The following NTNG1 variants were observed in gnomAD, a reference collection of about 807,000 sequenced individuals.
NTNG1 encodes netrin G1.
In NTNG1, 16 loss-of-function variants were observed where a neutral mutation model predicts 54.0. The observed-to-expected ratio is 0.30, with a 90% CI of 0.20 to 0.45. NTNG1 has a LOEUF of 0.45. NTNG1 is among the 20% of genes least tolerant of loss of function. The pLI is 1.00. For missense variants in NTNG1, 530 were observed against 678.7 expected (o/e 0.78, Z 2.43); for synonymous variants, 255 against 263.1 (o/e 0.97, Z 0.30).
At chr1:107,386,441 TGGGATTACAGGCGTGTGCC>T (rs1289579473) in intron 3 of NTNG1, among the ~76,000 whole-genome samples, 1 of 152,152 alleles carries the variant, frequency 6.6e-6, no homozygotes, top group Non-Finnish European at 1.5e-5. Flanking sequence ...CCCAAAGTGC[TGGGATTACAGGCGTGTGCC>T]ACCACTCCTG....
chr1:107,261,631 C>G (rs1663336308), intron 2 of NTNG1, among the ~76,000 whole-genome samples: 1 of 152,172 alleles, frequency 6.6e-6, no homozygotes, highest in Non-Finnish European at 1.5e-5. Flanking sequence ...ATCACGAGGC[C>G]AGGAGATCGA....
At chr1:107,397,945 T>C (rs1265876824) in intron 4 of NTNG1, among the ~76,000 whole-genome samples, 3 of 152,004 alleles carry the variant, frequency 2.0e-5, no homozygotes, top group East Asian at 1.9e-4. Flanking sequence ...TCACTTCATA[T>C]TGGCTTTTTC....
chr1:107,404,541 A>G (rs1673278154), intron 4 of NTNG1, among the ~76,000 whole-genome samples: 1 of 152,204 alleles, frequency 6.6e-6, no homozygotes, highest in South Asian at 2.1e-4. Flanking sequence ...TGTTTTCACA[A>G]TGATAGTAAG....
At chr1:107,282,058 T>C (rs1200354543) in intron 2 of NTNG1, among the ~76,000 whole-genome samples, 1 of 152,124 alleles carries the variant, frequency 6.6e-6, no homozygotes, top group African/African-American at 2.4e-5. Flanking sequence ...TGGAATAAGT[T>C]TGAGAACTAT....
intron 3 of NTNG1, among the ~76,000 whole-genome samples, chr1:107,371,529 A>G (rs891200212): frequency 1.3e-5 from 2 of 152,112 alleles, no homozygotes; most frequent in African/African-American, 4.8e-5. Context: ...TTTGAAAGAT[A>G]CAAACTACCA....
chr1:107,358,090 TA>T (rs1670048990), intron 3 of NTNG1, among the ~76,000 whole-genome samples: 1 of 152,190 alleles, frequency 6.6e-6, no homozygotes, highest in African/African-American at 2.4e-5. Context: ...ATTGTGACTC[TA>T]AACACTGTGA....
At chr1:107,338,751 T>C (rs1668735769) in intron 3 of NTNG1, among the ~76,000 whole-genome samples, 1 of 151,712 alleles carries the variant, frequency 6.6e-6, no homozygotes, top group African/African-American at 2.4e-5. Context: ...AAACAATTAT[T>C]TGAAGGCCCT....
rs537205921 is a variant in NTNG1 at position 107,324,262 on chromosome 1, C to G, written c.247-20C>G. 1 of 1,606,910 alleles carries G rather than the reference C, an allele frequency of 6.2e-7. No individual in the cohort carries two copies. Among genetic ancestry groups the G allele is most frequent in the East Asian group, 2.2e-5 (1 of 44,680 alleles). On this transcript the variant is annotated intron_variant, in intron 2 of 7. Coordinates refer to ENST00000370068, the MANE Select transcript of NTNG1 (RefSeq NM_001113226.3). The stretch of plus-strand genomic sequence containing the variant: ...GCAAACCAGTGTTTTGATGCACGCT[C>G]TTTTGTTCTTCTTCCATAGGGCAAT...
intron 2 of NTNG1, among the ~76,000 whole-genome samples, chr1:107,295,610 A>T (rs1025339849): frequency 6.6e-6 from 1 of 152,108 alleles, no homozygotes; most frequent in Non-Finnish European, 1.5e-5. Flanking sequence ...AATGAAGATG[A>T]TAGTATGAAT....
chr1:107,234,086 T>C (rs916551700), intron 2 of NTNG1, among the ~76,000 whole-genome samples: 1 of 152,190 alleles, frequency 6.6e-6, no homozygotes, highest in African/African-American at 2.4e-5. Flanking sequence ...GAATAACTTA[T>C]ACATCTAATA....
At position 107,271,305 on chromosome 1, in the gene NTNG1, C is replaced by T. The variant is rs138567726; in HGVS notation, c.247-52977C>T. Among the ~76,000 whole-genome samples, 582 of 152,150 alleles carry T rather than the reference C, an allele frequency of 3.8e-3. 3 individuals are homozygous for T. The highest frequency in any genetic ancestry group is 0.013 in the African/African-American group (529 of 41,508). On this transcript the variant is annotated intron_variant, in intron 2 of 7. Transcript: ENST00000370068. Reference sequence around the variant, plus strand: ...TGCTGCTGTGCTGCACCCATTAACTCGTCATTTAGGATATTGTAAGAATTA... The same window carrying T: ...TGCTGCTGTGCTGCACCCATTAACTTGTCATTTAGGATATTGTAAGAATTA...
chr1:107,291,453 C>G (rs1321613953), intron 2 of NTNG1, among the ~76,000 whole-genome samples: 1 of 152,012 alleles, frequency 6.6e-6, no homozygotes, highest in Non-Finnish European at 1.5e-5. Flanking sequence ...ACCCATGTGT[C>G]GTTCAAGGAT....
intron 2 of NTNG1, among the ~76,000 whole-genome samples, chr1:107,160,033 G>T (rs1655295544): frequency 6.6e-6 from 1 of 152,160 alleles, no homozygotes. Context: ...ATTCTTGTGG[G>T]TGAGGTGTTG....
intron 5 of NTNG1, 27 bp from the exon 6 acceptor site, chr1:107,430,723 G>A: frequency 6.2e-7 from 1 of 1,611,614 alleles, no homozygotes; most frequent in Non-Finnish European, 8.5e-7. Flanking sequence ...TATACACTCT[G>A]TATACATTTC....
At chr1:107,431,881 G>A (rs1425790912) in intron 6 of NTNG1, among the ~76,000 whole-genome samples, 1 of 152,126 alleles carries the variant, frequency 6.6e-6, no homozygotes, top group Non-Finnish European at 1.5e-5. Context: ...TACACAAGCT[G>A]AATAATGACA....
intron 2 of NTNG1, among the ~76,000 whole-genome samples, chr1:107,268,105 A>G (rs7518517): frequency 0.037 from 5,619 of 152,296 alleles, 328 homozygotes; most frequent in African/African-American, 0.13. Flanking sequence ...ATTTCTGCAG[A>G]TATGTAAAAA....
In NTNG1 at chr1:107,361,370, TATACATATATATATATATATA is replaced by T. The variant is rs1276545646; in HGVS notation, c.888-33783_888-33763del. Among the ~76,000 whole-genome samples, 49 of 54,774 alleles carry T rather than the reference TATACATATATATATATATATA, an allele frequency of 8.9e-4. 1 individual carries two copies. The East Asian group carries it at 0.02, about 22-fold the overall frequency. The allele number at this position is 54,774 out of a possible 152,430, so 35.9% of individuals were successfully genotyped here. On this transcript the variant is annotated intron_variant, in intron 3 of 7. Transcript: ENST00000370068. Reference sequence around the variant, plus strand: ...ATATACATTATATAACATATATATATATACATATATATATATATATATTTTTTTTTTTTTTTGAGACACAGT... The same window carrying T: ...ATATACATTATATAACATATATATATTTTTTTTTTTTTTTTGAGACACAGT...
In NTNG1 at chr1:107,436,726, G is replaced by T. The variant is rs779459622; in HGVS notation, c.1317G>T (p.Glu439Asp). 7 of 1,613,428 alleles carry T rather than the reference G, an allele frequency of 4.3e-6. No homozygotes were observed. The Admixed American group carries it at 1.0e-4, about 23-fold the overall frequency. The change falls in exon 7 of 8, where the codon GAG becomes GAT. Residue 439 changes from glutamate (E) to aspartate (D), a missense_variant. Transcript: ENST00000370068. ...HDRCNGSGFC[E>D]CKTGTTGPKC... The stretch of plus-strand genomic sequence containing the variant: ...GTTGTAATGGCTCAGGATTTTGTGA[G>T]TGTAAGACTGGAACAACAGGGCCTA...
intron 2 of NTNG1, among the ~76,000 whole-genome samples, chr1:107,219,111 T>C (rs1210055600): frequency 7.7e-6 from 1 of 130,694 alleles, no homozygotes. Flanking sequence ...TCATTGTTTT[T>C]AAATTTTTTT....
Sources: gnomAD v4.1 joint callset for allele counts (sites outside exome capture counted in the v4.1 genomes callset) on GRCh38, gnomAD v4.1.1 for gene constraint, MANE v1.5 for transcripts, NCBI Gene and HGNC (gene_info 2026-07-23, HGNC 2026-07-21) for gene names.